The following ATAT1 variants were observed in gnomAD, a reference collection of about 807,000 sequenced individuals.
ATAT1 encodes the protein alpha tubulin acetyltransferase 1.
ATAT1 carries 42 observed loss-of-function variants against 57.2 expected under a neutral mutation model. That is an observed-to-expected ratio of 0.73 (90% confidence interval 0.57 to 0.95). ATAT1 has a LOEUF of 0.95. Ranked by LOEUF, ATAT1 falls within the 40% of genes least tolerant of loss-of-function variation. The pLI is 0.00. For synonymous variants in ATAT1, 168 were observed against 187.1 expected (o/e 0.90, Z 0.83); for missense variants, 454 against 523.7 (o/e 0.87, Z 1.30).
chr6:30,627,609 GAA>G, intron 2 of ATAT1, 25 bp from the exon 3 acceptor site: 2 of 1,611,466 alleles, frequency 1.2e-6, no homozygotes, highest in Non-Finnish European at 1.7e-6. Flanking sequence ...GAGACTTGCA[GAA>G]AGTCTGACTT....
In ATAT1 at chr6:30,627,841, C is replaced by G; in HGVS notation, c.225-10C>G. 1 of 1,612,736 alleles carries G rather than the reference C, an allele frequency of 6.2e-7. No homozygotes were observed. The highest frequency in any genetic ancestry group is 8.5e-7 in the Non-Finnish European group (1 of 1,179,810). On this transcript the variant is annotated splice_polypyrimidine_tract_variant and intron_variant, in intron 3 of 12. Transcript: ENST00000330083. The stretch of plus-strand genomic sequence containing the variant: ...CCACTAGCCTGTTCATTATTTTCCC[C>G]GTCCTACAGGGCTGGAAAAGGAGCC...
intron 6 of ATAT1, among the ~76,000 whole-genome samples, chr6:30,631,077 AGTAAGG>A (rs1762771431): frequency 6.6e-6 from 1 of 152,342 alleles, no homozygotes; most frequent in Admixed American, 6.5e-5. Context: ...AATGAGAGCA[AGTAAGG>A]GTTTGGGAGT....
rs1010576945 is a variant in ATAT1, at chr6:30,638,490, G to A, written c.502-1887G>A. ...GTATTTTTAGTAGAGACAGGGTCTC[G>A]AACTCCTGACCTCAAGTGATCCACC... On this transcript the variant is annotated intron_variant, in intron 6 of 12. Coordinates refer to ENST00000330083, the MANE Select transcript of ATAT1 (RefSeq NM_001031722.4). 4.0e-5 allele frequency among the ~76,000 whole-genome samples: 6 copies of A among 151,338 alleles called. No individual in the cohort carries two copies. The East Asian group carries it at 7.8e-4, about 20-fold the overall frequency.
At position 30,645,822 on chromosome 6, in the gene ATAT1, CCT is replaced by C. The variant is rs1766625506; in HGVS notation, c.933-70_933-69del. 8 of 1,103,216 alleles carry C rather than the reference CCT, an allele frequency of 7.3e-6. No homozygotes were observed. In the East Asian group the frequency reaches 2.2e-4, roughly 30 times the overall value. 68.3% of individuals were successfully genotyped at this position (1,103,216 alleles called of 1,614,324 possible). A position where few individuals can be genotyped will look rare whatever the true frequency, so the allele number is the denominator to read the frequency against. On this transcript the variant is annotated intron_variant, in intron 10 of 12. Coordinates refer to ENST00000330083, the MANE Select transcript of ATAT1 (RefSeq NM_001031722.4). ...CCTGTGCTATTCCTTTTACTCCTCT[CCT>C]CTGATTCCTCCATACCCACCCATCT...
chr6:30,628,409 T>C lies in ATAT1; in HGVS notation c.480T>C (p.Asn160=). The C allele has an allele frequency of 6.2e-7, 1 of 1,612,620 alleles. No homozygotes were observed. Residue 160 remains asparagine (N), a synonymous_variant, in exon 6 of 13, where the codon AAT becomes AAC. Transcript: ENST00000330083. ...TGAAATTCCTGAATAAGCACTACAATCTGGAGACCACAGTCCCACAGGTTA... is the reference window on the plus strand; with the variant it reads ...TGAAATTCCTGAATAAGCACTACAACCTGGAGACCACAGTCCCACAGGTTA...
At chr6:30,635,683 T>C (rs1320205597) in intron 6 of ATAT1, among the ~76,000 whole-genome samples, 1 of 152,088 alleles carries the variant, frequency 6.6e-6, no homozygotes, top group Non-Finnish European at 1.5e-5. Context: ...GTTTACTTGG[T>C]CAAATGCTGC....
chr6:30,643,390 G>A, intron 10 of ATAT1: 2 of 1,478,968 alleles, frequency 1.4e-6, no homozygotes, highest in Non-Finnish European at 1.8e-6. Flanking sequence ...TGTGCCAAGA[G>A]TCCATCGCAG....
Position 30,642,833 on chromosome 6 carries a change from G to GGGGGCCGCCCCCCCCCCCC in ATAT1, c.754_755insGGGGCCGCCCCCCCCCCCC (p.Ala252GlyfsTer54). On this transcript the variant is annotated frameshift_variant, in exon 10 of 13. Coordinates refer to ENST00000330083, the MANE Select transcript of ATAT1 (RefSeq NM_001031722.4). LOFTEE classifies it high-confidence loss of function. ...GGCCCCTCGCCGCGCCACACCTCCA[G>GGGGGCCGCCCCCCCCCCCC]CCCACCCACCCCCCCGCTCCAGCAG... 6.5e-7 allele frequency: 1 copy of GGGGGCCGCCCCCCCCCCCC among 1,537,876 alleles called. No individual in the cohort carries two copies. The highest frequency in any genetic ancestry group is 8.7e-7 in the Non-Finnish European group (1 of 1,145,782).
chr6:30,643,579 G>A (rs750877300), intron 10 of ATAT1: 1 of 1,550,326 alleles, frequency 6.5e-7, no homozygotes. Context: ...CCCTCTCCCT[G>A]CCCTGGGAGA....
chr6:30,640,822 C>CA, intron 8 of ATAT1: 1 of 598,328 alleles, frequency 1.7e-6, no homozygotes, highest in Non-Finnish European at 2.9e-6. Context: ...GCCTGTTTGA[C>CA]AGCTGATATC....
chr6:30,636,409 C>T (rs1764086039), intron 6 of ATAT1, among the ~76,000 whole-genome samples: 1 of 151,830 alleles, frequency 6.6e-6, no homozygotes, highest in African/African-American at 2.4e-5. Context: ...ACGGTAAAAC[C>T]CCGTCTCTAC....
Position 30,644,553 on chromosome 6 carries a change from C to T in ATAT1, c.933-1342C>T, listed in dbSNP as rs915280835. 26 of 985,222 alleles carry T rather than the reference C, an allele frequency of 2.6e-5. 1 individual carries two copies. In the South Asian group the frequency reaches 3.3e-4, roughly 12 times the overall value. The allele number at this position is 985,222 out of a possible 1,614,324, so 61.0% of individuals were successfully genotyped here. ...TGTGTTTCCTGAAATCCTTGGGAGC[C>T]GGATCTCCCCATCTCCCCTACTCAC... is the stretch of plus-strand genomic sequence containing the variant. On this transcript the variant is annotated intron_variant, in intron 10 of 12. Coordinates refer to ENST00000330083, the MANE Select transcript of ATAT1 (RefSeq NM_001031722.4).
At chr6:30,627,352 T>C in intron 1 of ATAT1, 108 bp from the exon 2 acceptor site, 1 of 1,609,388 alleles carries the variant, frequency 6.2e-7, no homozygotes. Context: ...GCAGGGAGCC[T>C]TCAGTGTTAA....
intron 6 of ATAT1, among the ~76,000 whole-genome samples, chr6:30,634,754 C>G (rs1038415830): frequency 5.4e-5 from 8 of 148,372 alleles, no homozygotes; most frequent in African/African-American, 2.0e-4. Flanking sequence ...TTTGGGAGGC[C>G]GAGGTGGGTG....
intron 6 of ATAT1, among the ~76,000 whole-genome samples, chr6:30,639,783 G>A (rs943542353): frequency 1.3e-5 from 2 of 152,010 alleles, no homozygotes; most frequent in Non-Finnish European, 2.9e-5. Context: ...GACCTTTACT[G>A]TACCTTTTCT....
chr6:30,642,833 G>GGGCCCCCCCCCCCCCCCCCCCCCCC lies in ATAT1; in HGVS notation c.754_755insGGCCCCCCCCCCCCCCCCCCCCCCC (p.Ala252GlyfsTer56). The GGGCCCCCCCCCCCCCCCCCCCCCCC allele has an allele frequency of 6.5e-7, 1 of 1,537,872 alleles. No homozygotes were observed. The highest frequency in any genetic ancestry group is 8.7e-7 in the Non-Finnish European group (1 of 1,145,778). ...GGCCCCTCGCCGCGCCACACCTCCA[G>GGGCCCCCCCCCCCCCCCCCCCCCCC]CCCACCCACCCCCCCGCTCCAGCAG... On this transcript the variant is annotated frameshift_variant, in exon 10 of 13. Coordinates refer to ENST00000330083, the MANE Select transcript of ATAT1 (RefSeq NM_001031722.4). LOFTEE classifies it high-confidence loss of function.
In ATAT1 at chr6:30,643,236, T is replaced by C. The variant is rs117340770; in HGVS notation, c.932+225T>C. On this transcript the variant is annotated intron_variant, in intron 10 of 12. Coordinates refer to ENST00000330083, the MANE Select transcript of ATAT1 (RefSeq NM_001031722.4). ...TGGAGCCTAGGGACCCTGGCTTTAATGTGAGAGTTATGTGGAATGGTAGGA... is the reference window on the plus strand; with the variant it reads ...TGGAGCCTAGGGACCCTGGCTTTAACGTGAGAGTTATGTGGAATGGTAGGA... 7,979 of 1,419,832 alleles carry C rather than the reference T, an allele frequency of 5.6e-3. 55 individuals are homozygous for C. The highest frequency in any genetic ancestry group is 0.035 in the East Asian group (1,373 of 39,170). 88.0% of individuals were successfully genotyped at this position (1,419,832 alleles called of 1,614,324 possible). A position where few individuals can be genotyped will look rare whatever the true frequency, so the allele number is the denominator to read the frequency against.
At chr6:30,643,332 G>A in intron 10 of ATAT1, 18 of 1,428,434 alleles carry the variant, frequency 1.3e-5, no homozygotes, top group Non-Finnish European at 1.6e-5. Flanking sequence ...CTTAATACTT[G>A]CTGGGGAAGG....
intron 12 of ATAT1, 138 bp from the exon 13 acceptor site, chr6:30,646,331 G>A: frequency 6.9e-7 from 1 of 1,445,788 alleles, no homozygotes; most frequent in Non-Finnish European, 9.1e-7. Flanking sequence ...TTTAAATTTG[G>A]ACATAGCACT....
Sources: gnomAD v4.1 joint callset for allele counts (sites outside exome capture counted in the v4.1 genomes callset) on GRCh38, gnomAD v4.1.1 for gene constraint, MANE v1.5 for transcripts, NCBI Gene and HGNC (gene_info 2026-07-23, HGNC 2026-07-21) for gene names.